The following SEMA3A variants were observed in gnomAD, a reference collection of about 807,000 sequenced individuals.
SEMA3A encodes the protein semaphorin-3A.
Under a neutral mutation model 97.9 loss-of-function variants are expected in SEMA3A, and 29 were observed. The ratio of observed to expected loss-of-function variants is 0.30; its 90% confidence interval spans 0.22 to 0.40. The LOEUF is 0.40. SEMA3A is among the 10% of genes least tolerant of loss of function. SEMA3A has a pLI of 1.00. For missense variants in SEMA3A, 763 were observed against 951.3 expected (o/e 0.80, Z 2.60); for synonymous variants, 321 against 323.7 (o/e 0.99, Z 0.09).
chr7:84,069,612 A>T (rs1400061445), intron 4 of SEMA3A, among the ~76,000 whole-genome samples: 1 of 152,140 alleles, frequency 6.6e-6, no homozygotes, highest in Admixed American at 6.6e-5. Flanking sequence ...AGGTTTCATG[A>T]AAAAATAATT....
intron 3 of SEMA3A, among the ~76,000 whole-genome samples, chr7:84,242,488 T>C (rs917568090): frequency 2.6e-5 from 4 of 152,228 alleles, no homozygotes; most frequent in Non-Finnish European, 5.9e-5. Flanking sequence ...CCTGAGACTT[T>C]GCTGAAGTTG....
chr7:84,006,183 T>A (rs1486213026), intron 10 of SEMA3A, among the ~76,000 whole-genome samples: 1 of 152,116 alleles, frequency 6.6e-6, no homozygotes, highest in Non-Finnish European at 1.5e-5. Context: ...TACAACTAAA[T>A]GCAATTAATC....
At chr7:84,261,833 G>T (rs1799863572) in intron 3 of SEMA3A, among the ~76,000 whole-genome samples, 1 of 152,252 alleles carries the variant, frequency 6.6e-6, no homozygotes, top group African/African-American at 2.4e-5. Context: ...GCAAAACCCA[G>T]GCAAAGGTGC....
Position 83,961,802 on chromosome 7 carries a change from T to C in SEMA3A, c.1885A>G (p.Arg629Gly), listed in dbSNP as rs775935963. The C allele has an allele frequency of 1.4e-5, 23 of 1,613,412 alleles. No individual in the cohort carries two copies. Among genetic ancestry groups the C allele is most frequent in the Non-Finnish European group, 1.9e-5 (22 of 1,179,562 alleles). The stretch of plus-strand genomic sequence containing the variant: ...CGTAGCAGAAGGCCTTGATCTGTCC[T>C]GATGATATGATCATCCACTCTGATC... ...EEIRVDDHII[R>G]TDQGLLLRSL... The change falls in exon 17 of 17, where the codon AGG (arginine) becomes GGG (glycine). Residue 629 changes from arginine (R) to glycine (G), a missense_variant. Transcript: ENST00000265362.
intron 4 of SEMA3A, among the ~76,000 whole-genome samples, chr7:84,094,426 G>T: frequency 6.7e-6 from 1 of 150,096 alleles, no homozygotes. Flanking sequence ...TTCTTTTTAT[G>T]TTATTATTTT....
At chr7:83,997,394 T>C (rs1299449536) in intron 12 of SEMA3A, among the ~76,000 whole-genome samples, 1 of 152,172 alleles carries the variant, frequency 6.6e-6, no homozygotes, top group Non-Finnish European at 1.5e-5. Context: ...GTGTTGTGGG[T>C]TTTTTTCCTT....
intron 7 of SEMA3A, among the ~76,000 whole-genome samples, chr7:84,012,361 TGATA>T (rs2116416293): frequency 6.6e-6 from 1 of 152,300 alleles, no homozygotes; most frequent in Admixed American, 6.5e-5. Flanking sequence ...AATAAATGAT[TGATA>T]GAATCTTTAA....
intron 3 of SEMA3A, among the ~76,000 whole-genome samples, chr7:84,264,008 A>G (rs1040471893): frequency 4.6e-5 from 7 of 152,222 alleles, no homozygotes; most frequent in Admixed American, 1.3e-4. Flanking sequence ...TGTAAGTTGT[A>G]AATAAATTAT....
At chr7:84,425,322 A>C (rs1389823859) in intron 1 of SEMA3A, among the ~76,000 whole-genome samples, 4 of 107,986 alleles carry the variant, frequency 3.7e-5, no homozygotes, top group East Asian at 4.9e-4. Flanking sequence ...ATAATGATAT[A>C]AATATAAATA....
At chr7:84,281,580 A>C (rs1419845599) in intron 3 of SEMA3A, among the ~76,000 whole-genome samples, 3 of 152,184 alleles carry the variant, frequency 2.0e-5, no homozygotes, top group Non-Finnish European at 4.4e-5. Flanking sequence ...CTTTTATTAA[A>C]ACTGTATTTT....
chr7:84,028,341 A>T (rs1342952565), intron 6 of SEMA3A, among the ~76,000 whole-genome samples: 1 of 152,174 alleles, frequency 6.6e-6, no homozygotes, highest in Non-Finnish European at 1.5e-5. Flanking sequence ...ACTAAGGCAA[A>T]ACTAAGAAAA....
At chr7:84,042,520 T>C (rs908837253) in intron 6 of SEMA3A, among the ~76,000 whole-genome samples, 2 of 152,048 alleles carry the variant, frequency 1.3e-5, no homozygotes, top group Admixed American at 1.3e-4. Context: ...TTCCTAAGCG[T>C]GCTCCACCCA....
chr7:84,086,273 C>G (rs1487820063), intron 4 of SEMA3A, among the ~76,000 whole-genome samples: 1 of 151,636 alleles, frequency 6.6e-6, no homozygotes, highest in Non-Finnish European at 1.5e-5. Flanking sequence ...TGTGCTCGTT[C>G]CTACAACAGT....
intron 13 of SEMA3A, among the ~76,000 whole-genome samples, chr7:83,982,318 T>C (rs1789449458): frequency 6.6e-6 from 1 of 152,208 alleles, no homozygotes; most frequent in Admixed American, 6.5e-5. Context: ...GCATTTATTC[T>C]CAATGAAATT....
chr7:84,402,058 A>T (rs2116212799), intron 1 of SEMA3A, among the ~76,000 whole-genome samples: 1 of 152,318 alleles, frequency 6.6e-6, no homozygotes, highest in South Asian at 2.1e-4. Flanking sequence ...AAGTGAAGAG[A>T]CAACTTCTTG....
At chr7:84,360,418 A>C (rs950304201) in intron 2 of SEMA3A, among the ~76,000 whole-genome samples, 1 of 152,118 alleles carries the variant, frequency 6.6e-6, no homozygotes, top group Non-Finnish European at 1.5e-5. Context: ...GTCATTCAGC[A>C]GCAGGTGTTT....
intron 1 of SEMA3A, among the ~76,000 whole-genome samples, chr7:84,406,376 A>G (rs1459915699): frequency 6.6e-6 from 1 of 152,198 alleles, no homozygotes; most frequent in Non-Finnish European, 1.5e-5. Context: ...GAATAGACCA[A>G]TAACAGGCTC....
At chr7:84,129,458 T>C (rs1795898400) in intron 2 of SEMA3A, among the ~76,000 whole-genome samples, 1 of 152,200 alleles carries the variant, frequency 6.6e-6, no homozygotes, top group African/African-American at 2.4e-5. Flanking sequence ...CAGTGTAGTA[T>C]GGCAAGAACT....
chr7:84,228,869 AC>A (rs1224012667), intron 3 of SEMA3A, among the ~76,000 whole-genome samples: 1 of 152,044 alleles, frequency 6.6e-6, no homozygotes, highest in Non-Finnish European at 1.5e-5. Flanking sequence ...TCTATTGAAG[AC>A]CTGTAATACC....
Sources: allele counts gnomAD v4.1 joint callset (sites outside exome capture counted in the v4.1 genomes callset), GRCh38; gene constraint gnomAD v4.1.1; transcripts MANE v1.5; gene names NCBI Gene and HGNC (gene_info 2026-07-23, HGNC 2026-07-21).